The following NPAS3 variants were observed in gnomAD, a reference collection of about 807,000 sequenced individuals.
NPAS3 encodes neuronal PAS domain protein 3.
A neutral mutation model predicts 73.1 loss-of-function variants in NPAS3; 14 were observed. The ratio of observed to expected loss-of-function variants is 0.19; its 90% CI spans 0.13 to 0.30. The LOEUF (loss-of-function observed/expected upper bound fraction) is 0.30. Ranked by LOEUF, NPAS3 falls within the 10% of genes least tolerant of loss-of-function variation. NPAS3 has a pLI of 1.00. For synonymous variants in NPAS3, 620 were observed against 541.5 expected (o/e 1.14, Z -2.01); for missense variants, 1,096 against 1,250.0 (o/e 0.88, Z 1.86).
At chr14:33,656,620 T>A (rs780686985) in intron 5 of NPAS3, among the ~76,000 whole-genome samples, 3 of 152,210 alleles carry the variant, frequency 2.0e-5, no homozygotes, top group Non-Finnish European at 2.9e-5. Context: ...TAGCATGATG[T>A]TTTGATATAC....
intron 2 of NPAS3, among the ~76,000 whole-genome samples, chr14:33,097,242 A>G (rs2042449592): frequency 1.3e-5 from 2 of 152,244 alleles, no homozygotes; most frequent in Admixed American, 6.5e-5. Flanking sequence ...AAAAAGTGTA[A>G]TTCTGTCTCT....
chr14:33,505,568 G>A (rs2052716760), intron 4 of NPAS3, among the ~76,000 whole-genome samples: 3 of 151,798 alleles, frequency 2.0e-5, no homozygotes, highest in Admixed American at 1.3e-4. Flanking sequence ...ATGGAATTTT[G>A]GTATATGGGT....
At chr14:33,456,765 G>A (rs941156269) in intron 4 of NPAS3, among the ~76,000 whole-genome samples, 1 of 152,150 alleles carries the variant, frequency 6.6e-6, no homozygotes, top group Non-Finnish European at 1.5e-5. Flanking sequence ...GGCAGAGCTG[G>A]CATGCAGCTC....
At chr14:33,730,399 A>G (rs1190913240) in intron 6 of NPAS3, among the ~76,000 whole-genome samples, 1 of 152,166 alleles carries the variant, frequency 6.6e-6, no homozygotes, top group Non-Finnish European at 1.5e-5. Flanking sequence ...GGCTAGCTTA[A>G]TGCTACAGTA....
chr14:33,393,367 T>C (rs1272333705), intron 4 of NPAS3, among the ~76,000 whole-genome samples: 1 of 152,140 alleles, frequency 6.6e-6, no homozygotes, highest in African/African-American at 2.4e-5. Flanking sequence ...TGATTCGCAT[T>C]TTTATGGATG....
At chr14:32,961,896 A>T (rs2036936844) in intron 1 of NPAS3, among the ~76,000 whole-genome samples, 1 of 152,186 alleles carries the variant, frequency 6.6e-6, no homozygotes, top group African/African-American at 2.4e-5. Flanking sequence ...AGTGGCTTGG[A>T]AGTTCAAATA....
intron 2 of NPAS3, among the ~76,000 whole-genome samples, chr14:33,204,851 C>T (rs1246202094): frequency 6.6e-6 from 1 of 152,102 alleles, no homozygotes; most frequent in African/African-American, 2.4e-5. Flanking sequence ...GCATTTTCTC[C>T]AAATACTTCT....
chr14:33,423,908 C>G lies in NPAS3; in HGVS notation c.468+56640C>G, dbSNP rs894967076. On this transcript the variant is annotated intron_variant, in intron 4 of 11. Coordinates refer to ENST00000356141, the Ensembl canonical transcript of NPAS3. Reference sequence around the variant, plus strand: ...ACCTGTCTACCTACCTCCTTCATTCCCTCCATTTTTTCCTTCTTCAAAAAT... The same window carrying G: ...ACCTGTCTACCTACCTCCTTCATTCGCTCCATTTTTTCCTTCTTCAAAAAT... Among the ~76,000 whole-genome samples, 5 of 151,870 alleles carry G rather than the reference C, an allele frequency of 3.3e-5. No homozygotes were observed. In the East Asian group the frequency reaches 9.7e-4, roughly 29 times the overall value.
At chr14:33,771,774 A>C (rs12431738) in intron 7 of NPAS3, among the ~76,000 whole-genome samples, 25,926 of 152,084 alleles carry the variant, frequency 0.17, 2,610 homozygotes, top group Admixed American at 0.24. Flanking sequence ...TCACGCCACT[A>C]AACTCCAGCC....
chr14:33,389,128 A>G (rs902569770), intron 4 of NPAS3, among the ~76,000 whole-genome samples: 2 of 152,102 alleles, frequency 1.3e-5, no homozygotes, highest in Admixed American at 1.3e-4. Flanking sequence ...TATATCACAC[A>G]CTCTTGGCAA....
At chr14:33,283,082 G>A (rs1301020065) in intron 3 of NPAS3, among the ~76,000 whole-genome samples, 1 of 152,156 alleles carries the variant, frequency 6.6e-6, no homozygotes, top group Non-Finnish European at 1.5e-5. Context: ...TGCAGAGAAG[G>A]GATGCTGATG....
At chr14:33,788,309 A>G (rs1029415741) in intron 9 of NPAS3, among the ~76,000 whole-genome samples, 4 of 152,208 alleles carry the variant, frequency 2.6e-5, no homozygotes, top group African/African-American at 9.7e-5. Context: ...ATGGCGCCAC[A>G]GATGCGTCCT....
At chr14:32,935,197 G>A (rs907268122), upstream of NPAS3, among the ~76,000 whole-genome samples, 1 of 152,210 alleles carries the variant, frequency 6.6e-6, no homozygotes, top group Non-Finnish European at 1.5e-5. Flanking sequence ...CAGTGCGCTG[G>A]CGAAGTGAAA....
At chr14:33,706,668 ATG>A (rs1490240003) in intron 6 of NPAS3, among the ~76,000 whole-genome samples, 2 of 152,180 alleles carry the variant, frequency 1.3e-5, no homozygotes, top group East Asian at 3.9e-4. Flanking sequence ...CTTTGAAACT[ATG>A]TGTGCCAAGC....
At chr14:33,246,534 T>A (rs1459465066) in intron 3 of NPAS3, among the ~76,000 whole-genome samples, 26 of 62,078 alleles carry the variant, frequency 4.2e-4, no homozygotes, top group Non-Finnish European at 6.0e-4. Context: ...CGAGACTTCA[T>A]CTCAAAAAAA....
chr14:33,694,157 A>G (rs577284764), intron 6 of NPAS3, among the ~76,000 whole-genome samples: 2 of 152,060 alleles, frequency 1.3e-5, no homozygotes, highest in African/African-American at 2.4e-5. Flanking sequence ...TTGAACATTT[A>G]GAGTAATGCA....
chr14:33,668,206 G>T (rs1999163), intron 5 of NPAS3, among the ~76,000 whole-genome samples: 1 of 151,858 alleles, frequency 6.6e-6, no homozygotes, highest in African/African-American at 2.4e-5. Flanking sequence ...TTGTTTTTTC[G>T]CGCAACAGTA....
chr14:32,986,983 T>C (rs1405136842), intron 1 of NPAS3, among the ~76,000 whole-genome samples: 1 of 152,186 alleles, frequency 6.6e-6, no homozygotes, highest in Non-Finnish European at 1.5e-5. Context: ...CTGTTTTCAG[T>C]GCAGAGGGCT....
intron 4 of NPAS3, among the ~76,000 whole-genome samples, chr14:33,551,951 A>G (rs1362404708): frequency 6.6e-6 from 1 of 152,202 alleles, no homozygotes; most frequent in African/African-American, 2.4e-5. Flanking sequence ...CTAAATTGGA[A>G]ACTGCCTTTG....
Sources: gnomAD v4.1 joint callset for allele counts (sites outside exome capture counted in the v4.1 genomes callset) on GRCh38, gnomAD v4.1.1 for gene constraint, MANE v1.5 for transcripts, NCBI Gene and HGNC (gene_info 2026-07-23, HGNC 2026-07-21) for gene names.